MTR: variants seen among roughly 807,000 people sequenced by gnomAD.
The protein encoded by MTR is methionine synthase.
A neutral mutation model predicts 154.8 loss-of-function variants in MTR; 84 were observed. The observed-to-expected ratio is 0.54, with a 90% confidence interval of 0.45 to 0.65. The LOEUF (loss-of-function observed/expected upper bound fraction) is 0.65, where lower values mean the gene tolerates loss of function less well. Ranked by LOEUF, MTR falls within the 30% of genes least tolerant of loss-of-function variation. The probability of loss-of-function intolerance (pLI) is 0.00; values close to 1 mark genes in which losing one functional copy is unlikely to be tolerated. For synonymous variants in MTR, 554 were observed against 553.9 expected, an observed-to-expected ratio of 1.00 and a Z score of 0.00; for missense variants, 1,275 against 1,570.2, an observed-to-expected ratio of 0.81 and a Z score of 3.18.
chr1:236,834,432 G>A (rs1176011553), intron 13 of MTR, among the ~76,000 whole-genome samples: 9 of 152,072 alleles, frequency 5.9e-5, no homozygotes, highest in South Asian at 2.1e-4. Flanking sequence ...TGCCTGTCTC[G>A]GCCTCCCAAA....
rs1450312280 is a variant in MTR at position 236,795,368 on chromosome 1, G to C, written c.-336G>C. 9 of 1,372,930 alleles carry C rather than the reference G, an allele frequency of 6.6e-6. No homozygotes were observed. Among genetic ancestry groups the C allele is most frequent in the Non-Finnish European group, 7.7e-6 (8 of 1,042,968 alleles). 85.0% of individuals were successfully genotyped at this position (1,372,930 alleles called of 1,614,324 possible). On this transcript the variant is annotated 5_prime_UTR_variant, in exon 1 of 33. Transcript: ENST00000366577. Reference sequence around the variant, plus strand: ...GATGTCACGTCGTCCTCCTCTGCCGGTTTTCTCTTGGGTCCTTTTCCGTGC... The same window carrying C: ...GATGTCACGTCGTCCTCCTCTGCCGCTTTTCTCTTGGGTCCTTTTCCGTGC...
chr1:236,795,557 G>T lies in MTR; in HGVS notation c.-147G>T. On this transcript the variant is annotated 5_prime_UTR_variant, in exon 1 of 33. Transcript: ENST00000366577. ...CTTTCGGGGTCCGCAGTCCCCCCGC[G>T]ACGCGAGCCAACGGGAGGCGTCAAA... 6.5e-7 allele frequency: 1 copy of T among 1,548,446 alleles called. No individual in the cohort carries two copies. The highest frequency in any genetic ancestry group is 8.7e-7 in the Non-Finnish European group (1 of 1,152,390).
At chr1:236,866,040 A>G (rs1042547189) in intron 22 of MTR, among the ~76,000 whole-genome samples, 6 of 152,190 alleles carry the variant, frequency 3.9e-5, no homozygotes, top group Admixed American at 3.3e-4. Context: ...TTACTTTACA[A>G]TATTTTTTTT....
chr1:236,806,765 A>C (rs1008816750), intron 3 of MTR, among the ~76,000 whole-genome samples: 12 of 152,156 alleles, frequency 7.9e-5, no homozygotes, highest in Non-Finnish European at 2.9e-5. Context: ...CTCCAGCCCC[A>C]GCATACTCTA....
At chr1:236,819,555 A>G (rs913842094) in intron 8 of MTR, 1 of 380,750 alleles carries the variant, frequency 2.6e-6, no homozygotes, top group African/African-American at 2.1e-5. Context: ...TAAATCTCCC[A>G]TGGCCTTTCC....
intron 28 of MTR, among the ~76,000 whole-genome samples, 195 bp downstream of exon 28, chr1:236,889,531 ATTTAC>A (rs1423402278): frequency 6.6e-6 from 1 of 152,166 alleles, no homozygotes; most frequent in East Asian, 1.9e-4. Context: ...TAAATTTGGT[ATTTAC>A]TTTATTCTTT....
chr1:236,895,625 G>A, intron 31 of MTR, 75 bp downstream of exon 31: 1 of 1,451,476 alleles, frequency 6.9e-7, no homozygotes. Flanking sequence ...GGCACTTAGG[G>A]TTAAACATGT....
intron 18 of MTR, among the ~76,000 whole-genome samples, chr1:236,856,531 CTAT>C (rs1233163766): frequency 3.5e-5 from 5 of 141,874 alleles, no homozygotes; most frequent in Non-Finnish European, 6.2e-5. Context: ...TTTTCTTCTT[CTAT>C]TATTATTATT....
At chr1:236,800,512 C>G in intron 1 of MTR, 1 of 973,980 alleles carries the variant, frequency 1.0e-6, no homozygotes, top group Non-Finnish European at 1.2e-6. Flanking sequence ...TCTCATTCCT[C>G]CTGTGAAATT....
chr1:236,891,098 T>A (rs377343784), intron 28 of MTR, 35 bp from the exon 29 acceptor site: 7 of 1,610,088 alleles, frequency 4.3e-6, no homozygotes, highest in African/African-American at 1.3e-5. Flanking sequence ...ATTTTTGGCA[T>A]CTTTAAGTGA....
chr1:236,849,476 C>T (rs1663774880), intron 15 of MTR, among the ~76,000 whole-genome samples: 1 of 152,092 alleles, frequency 6.6e-6, no homozygotes, highest in African/African-American at 2.4e-5. Flanking sequence ...GAAAAGGGGG[C>T]ACTTGGGCAG....
chr1:236,815,252 A>G (rs1056002196), intron 6 of MTR, among the ~76,000 whole-genome samples: 2 of 152,290 alleles, frequency 1.3e-5, no homozygotes, highest in East Asian at 3.9e-4. Flanking sequence ...TGCAACCTTG[A>G]GCTCCTAGGC....
intron 27 of MTR, 75 bp downstream of exon 27, chr1:236,886,442 T>C (rs1032416459): frequency 2.8e-6 from 4 of 1,423,920 alleles, no homozygotes; most frequent in Non-Finnish European, 3.9e-6. Context: ...ATGCATTTAC[T>C]TGGCTGCAAA....
chr1:236,864,314 C>T (rs1013859458), intron 22 of MTR, among the ~76,000 whole-genome samples: 1 of 152,106 alleles, frequency 6.6e-6, no homozygotes, highest in East Asian at 1.9e-4. Context: ...TGGAGCTATC[C>T]CTGTACTCCT....
In MTR at chr1:236,795,292, A is replaced by G. The variant is rs1227537060; in HGVS notation, c.-412A>G. The G allele has an allele frequency of 2.6e-5, 32 of 1,209,518 alleles. No individual in the cohort carries two copies. In the Admixed American group the frequency reaches 9.7e-4, roughly 37 times the overall value. 74.9% of individuals were successfully genotyped at this position (1,209,518 alleles called of 1,614,324 possible). ...CCCACGCCGAGGATAGATTGAGCGCAGAACTAACCGCGCTCTGAAAGGTTC... is the reference window on the plus strand; with the variant it reads ...CCCACGCCGAGGATAGATTGAGCGCGGAACTAACCGCGCTCTGAAAGGTTC... On this transcript the variant is annotated 5_prime_UTR_variant, in exon 1 of 33. Transcript: ENST00000366577.
intron 32 of MTR, 143 bp from the exon 33 acceptor site, chr1:236,897,415 A>G: frequency 3.6e-6 from 3 of 844,654 alleles, no homozygotes; most frequent in South Asian, 1.5e-5. Context: ...TGGTAGATAA[A>G]TATCTATCTC....
At chr1:236,809,037 C>T (rs567433529) in intron 4 of MTR, among the ~76,000 whole-genome samples, 1 of 152,120 alleles carries the variant, frequency 6.6e-6, no homozygotes, top group Non-Finnish European at 1.5e-5. Context: ...GTAGCTAGGC[C>T]CCTGACTTCC....
At chr1:236,881,275 G>A (rs1177728213) in intron 25 of MTR, among the ~76,000 whole-genome samples, 5 of 152,270 alleles carry the variant, frequency 3.3e-5, no homozygotes, top group Admixed American at 3.3e-4. Flanking sequence ...TTAAAACCCA[G>A]AACAGTGGTT....
At chr1:236,856,752 A>G (rs1572272666) in intron 18 of MTR, among the ~76,000 whole-genome samples, 2 of 151,204 alleles carry the variant, frequency 1.3e-5, no homozygotes, top group Non-Finnish European at 2.9e-5. Flanking sequence ...TCATTGTTCA[A>G]CTCCCACTTA....
Sources: allele counts gnomAD v4.1 joint callset (sites outside exome capture counted in the v4.1 genomes callset), GRCh38; gene constraint gnomAD v4.1.1; transcripts MANE v1.5; gene names NCBI Gene and HGNC (gene_info 2026-07-23, HGNC 2026-07-21).